The following SHLD2 variants were observed in gnomAD, a reference collection of about 807,000 sequenced individuals.
SHLD2 encodes the protein shieldin complex subunit 2.
A neutral mutation model predicts 73.2 loss-of-function variants in SHLD2; 30 were observed. The observed-to-expected ratio is 0.41, with a 90% confidence interval of 0.31 to 0.56. SHLD2 has a LOEUF of 0.56. SHLD2 is among the 20% of genes least tolerant of loss of function. SHLD2 has a pLI of 0.28. For missense variants in SHLD2, 745 were observed against 1,055.9 expected (o/e 0.71, Z 4.08); for synonymous variants, 285 against 370.1 (o/e 0.77, Z 2.64).
intron 9 of SHLD2, among the ~76,000 whole-genome samples, chr10:87,190,175 C>T (rs1848960748): frequency 6.6e-6 from 1 of 152,244 alleles, no homozygotes; most frequent in African/African-American, 2.4e-5. Context: ...TCTCCTGCCT[C>T]AGCTTCCCGA....
At chr10:87,164,773 CTT>C in intron 4 of SHLD2, among the ~76,000 whole-genome samples, 1 of 152,210 alleles carries the variant, frequency 6.6e-6, no homozygotes, top group African/African-American at 2.4e-5. Context: ...AGATTAAAAT[CTT>C]TACAAATCCT....
chr10:87,125,039 G>A (rs534151559), intron 2 of SHLD2, among the ~76,000 whole-genome samples: 2 of 152,246 alleles, frequency 1.3e-5, no homozygotes, highest in South Asian at 4.1e-4. Flanking sequence ...CACCATGCCT[G>A]TCCTATGAAG....
chr10:87,124,750 T>G (rs1473148101), intron 2 of SHLD2, among the ~76,000 whole-genome samples: 9 of 141,276 alleles, frequency 6.4e-5, no homozygotes, highest in South Asian at 2.1e-4. Context: ...AAAATTGTTT[T>G]TTTTTTTTTT....
At chr10:87,164,449 C>T (rs1847057704) in intron 4 of SHLD2, among the ~76,000 whole-genome samples, 1 of 151,944 alleles carries the variant, frequency 6.6e-6, no homozygotes, top group African/African-American at 2.4e-5. Flanking sequence ...GACTGGATTT[C>T]ACCATGTTGC....
chr10:87,188,015 C>T (rs1196667478), intron 9 of SHLD2, among the ~76,000 whole-genome samples: 3 of 152,162 alleles, frequency 2.0e-5, no homozygotes, highest in Non-Finnish European at 2.9e-5. Context: ...GCATAGCCCT[C>T]CACTCTGCAC....
In SHLD2 at chr10:87,160,718, G is replaced by A. The variant is rs368586860; in HGVS notation, c.1633+2563G>A. Among the ~76,000 whole-genome samples the A allele has an allele frequency of 5.9e-5, 9 of 151,666 alleles. No individual in the cohort carries two copies. The East Asian group carries it at 9.8e-4, about 17-fold the overall frequency. On this transcript the variant is annotated intron_variant, in intron 4 of 9. Transcript: ENST00000298786. ...CAAGAAGAGGCATCTGGTCTGGTGCGGTGGCTCACGCCTGTAATCCCAGCA... is the reference window on the plus strand; with the variant it reads ...CAAGAAGAGGCATCTGGTCTGGTGCAGTGGCTCACGCCTGTAATCCCAGCA...
chr10:87,156,136 G>A (rs1224643453), intron 3 of SHLD2, among the ~76,000 whole-genome samples: 4 of 149,100 alleles, frequency 2.7e-5, no homozygotes, highest in Admixed American at 6.8e-5. Flanking sequence ...GCGCGATCTC[G>A]GCTCACTGCA....
intron 6 of SHLD2, among the ~76,000 whole-genome samples, chr10:87,174,886 C>T (rs545953227): frequency 1.1e-4 from 16 of 152,012 alleles, no homozygotes; most frequent in Admixed American, 2.6e-4. Flanking sequence ...GAAACCGAGG[C>T]GGGCGGATCA....
intron 2 of SHLD2, among the ~76,000 whole-genome samples, chr10:87,109,141 A>AT (rs1842775031): frequency 6.6e-6 from 1 of 152,176 alleles, no homozygotes; most frequent in South Asian, 2.1e-4. Flanking sequence ...GTCATTGGCT[A>AT]TTATGCCTTT....
Position 87,096,717 on chromosome 10 carries a change from T to C in SHLD2, c.-61-217T>C, listed in dbSNP as rs531179749. Among the ~76,000 whole-genome samples, 6 of 152,358 alleles carry C rather than the reference T, an allele frequency of 3.9e-5. No homozygotes were observed. In the South Asian group the frequency reaches 1.0e-3, roughly 26 times the overall value. The stretch of plus-strand genomic sequence containing the variant: ...TGCAAAACGATGGTGCTTCCCGATA[T>C]GTTCATGTTATTCATCTTTTAGAAT... On this transcript the variant is annotated intron_variant, in intron 1 of 9. Coordinates refer to ENST00000298786, the MANE Select transcript of SHLD2 (RefSeq NM_001330112.2).
chr10:87,142,742 G>A (rs2484809), intron 2 of SHLD2, among the ~76,000 whole-genome samples: 3 of 151,030 alleles, frequency 2.0e-5, no homozygotes, highest in Non-Finnish European at 2.9e-5. Flanking sequence ...ATGTCAAGGC[G>A]TAAGTAGCAA....
At position 87,152,195 on chromosome 10, in the gene SHLD2, G is replaced by A. The variant is rs565758997; in HGVS notation, c.841G>A (p.Gly281Arg). ...GGAGACTGAACCAAAGGCAAGTTACGGGGAGATAAGAATACCTGAAGAGAA... is the reference window on the plus strand; with the variant it reads ...GGAGACTGAACCAAAGGCAAGTTACAGGGAGATAAGAATACCTGAAGAGAA... Reference protein sequence around the residue: ...NMETEPKASYGEIRIPEENSI... With the variant: ...NMETEPKASYREIRIPEENSI... Residue 281 changes from glycine (G) to arginine (R), a missense_variant, in exon 3 of 10, where the codon GGG becomes AGG. By Grantham distance (125) the Gly-to-Arg change is moderately radical (BLOSUM62 -2). Transcript: ENST00000298786. 235 of 1,591,798 alleles carry A rather than the reference G, an allele frequency of 1.5e-4. No homozygotes were observed. Among genetic ancestry groups the A allele is most frequent in the African/African-American group, 8.8e-4 (65 of 73,624 alleles).
upstream of SHLD2, chr10:87,094,913 G>A: frequency 2.0e-6 from 1 of 492,216 alleles, no homozygotes; most frequent in South Asian, 3.7e-5. The surrounding 1 kb of genome is among the most constrained non-coding windows in gnomAD (Gnocchi z 6.6). Context: ...CTCCCCTCGG[G>A]CGCTCGCCAC....
chr10:87,114,633 G>A (rs1843131657), intron 2 of SHLD2, among the ~76,000 whole-genome samples: 1 of 152,142 alleles, frequency 6.6e-6, no homozygotes, highest in Non-Finnish European at 1.5e-5. Context: ...ATTGAGGCAG[G>A]AGAATCACTT....
chr10:87,163,956 CTTTTCT>C (rs1564606724), intron 4 of SHLD2, among the ~76,000 whole-genome samples: 7 of 144,048 alleles, frequency 4.9e-5, no homozygotes, highest in Non-Finnish European at 6.1e-5. Context: ...CTTTTCTTTT[CTTTTCT>C]TTTTTTTTTT....
chr10:87,136,879 C>T (rs1411076975), intron 2 of SHLD2, among the ~76,000 whole-genome samples: 3 of 152,210 alleles, frequency 2.0e-5, no homozygotes, highest in Admixed American at 2.0e-4. Flanking sequence ...GACTTGATCT[C>T]AGTCCTTAAA....
intron 2 of SHLD2, among the ~76,000 whole-genome samples, chr10:87,122,684 G>T (rs1843711397): frequency 2.6e-5 from 4 of 152,284 alleles, no homozygotes; most frequent in Admixed American, 2.6e-4. Context: ...AAAAGCTCAA[G>T]GATTGACACT....
chr10:87,148,684 A>G (rs1439718907), intron 2 of SHLD2, among the ~76,000 whole-genome samples: 2 of 152,024 alleles, frequency 1.3e-5, no homozygotes, highest in Non-Finnish European at 2.9e-5. Flanking sequence ...TTGAGGCTGC[A>G]GTGAGCCATG....
At chr10:87,155,508 AT>A (rs68166675) in intron 3 of SHLD2, among the ~76,000 whole-genome samples, 9,230 of 151,618 alleles carry the variant, frequency 0.061, 557 homozygotes, top group African/African-American at 0.16. Flanking sequence ...TGAAAAAAAA[AT>A]TTTTTTTTCT....
Sources: allele counts gnomAD v4.1 joint callset (sites outside exome capture counted in the v4.1 genomes callset), GRCh38; gene constraint gnomAD v4.1.1; non-coding constraint Gnocchi (gnomAD v3.1); transcripts MANE v1.5; gene names NCBI Gene and HGNC (gene_info 2026-07-23, HGNC 2026-07-21).